Variants in CNTN5 observed in about 807,000 individuals in gnomAD.
CNTN5 encodes contactin 5.
CNTN5 carries 77 observed loss-of-function variants against 129.1 expected under a neutral mutation model. The ratio of observed to expected loss-of-function variants is 0.60; its 90% confidence interval spans 0.50 to 0.72. CNTN5 has a LOEUF of 0.72. Among genes scored for constraint, CNTN5 ranks in the 30% least tolerant of loss-of-function variants. The pLI is 0.00. For missense variants in CNTN5, 1,478 were observed against 1,328.8 expected, an observed-to-expected ratio of 1.11 and a Z score of -1.75; for synonymous variants, 509 against 465.6, an observed-to-expected ratio of 1.09 and a Z score of -1.20.
At chr11:100,290,118 A>T (rs1471354591) in intron 18 of CNTN5, among the ~76,000 whole-genome samples, 2 of 151,392 alleles carry the variant, frequency 1.3e-5, no homozygotes, top group African/African-American at 4.9e-5. Context: ...GATACAGACA[A>T]ATGGAAGAAC....
At chr11:99,061,193 C>T (rs7113547) in intron 1 of CNTN5, among the ~76,000 whole-genome samples, 62,420 of 151,878 alleles carry the variant, frequency 0.41, 13,096 homozygotes, top group Non-Finnish European at 0.43. Context: ...CTTTGATGGC[C>T]GGAGGGAGAG....
chr11:99,773,084 T>A (rs2407142), intron 3 of CNTN5, among the ~76,000 whole-genome samples: 23,746 of 151,968 alleles, frequency 0.16, 1,973 homozygotes, highest in Non-Finnish European at 0.17. Flanking sequence ...AAATGGAACA[T>A]TATCAGTATT....
At chr11:99,961,206 G>GGAAAAAA (rs1555167360) in intron 8 of CNTN5, among the ~76,000 whole-genome samples, 1 of 95,720 alleles carries the variant, frequency 1.0e-5, no homozygotes, top group African/African-American at 4.0e-5. Flanking sequence ...CTCCGTCTCA[G>GGAAAAAA]AAAAAAAAAA....
intron 8 of CNTN5, among the ~76,000 whole-genome samples, chr11:99,968,337 T>C (rs1015660774): frequency 2.0e-5 from 3 of 152,204 alleles, no homozygotes; most frequent in Non-Finnish European, 4.4e-5. Flanking sequence ...GATAATCTAC[T>C]ATTTGGTGGT....
At chr11:99,440,001 G>A (rs1435820367) in intron 2 of CNTN5, among the ~76,000 whole-genome samples, 1 of 152,078 alleles carries the variant, frequency 6.6e-6, no homozygotes, top group Non-Finnish European at 1.5e-5. Context: ...AATGGTAAAT[G>A]TTAAAGCATT....
At chr11:100,356,025 G>A in intron 24 of CNTN5, 92 bp from the exon 25 acceptor site, 2 of 769,678 alleles carry the variant, frequency 2.6e-6, no homozygotes, top group South Asian at 3.0e-5. Flanking sequence ...GAGCGATCTT[G>A]CACTCATTAG....
At chr11:99,308,401 G>C (rs61442648) in intron 1 of CNTN5, among the ~76,000 whole-genome samples, 1 of 152,124 alleles carries the variant, frequency 6.6e-6, no homozygotes, top group Non-Finnish European at 1.5e-5. Context: ...TATGGATGTA[G>C]TACCATATTG....
chr11:100,287,682 G>A lies in CNTN5; in HGVS notation c.2315-9943G>A, dbSNP rs531018011. 1.8e-3 allele frequency among the ~76,000 whole-genome samples: 276 copies of A among 152,096 alleles called. 1 individual carries two copies. Among genetic ancestry groups the A allele is most frequent in the African/African-American group, 6.5e-3 (269 of 41,506 alleles). ...CAAAATGTAAAGACCTTCGAGACTA[G>A]GAAGAAACTGCATCAACTAATGAGC... On this transcript the variant is annotated intron_variant, in intron 18 of 24. Transcript: ENST00000524871.
intron 2 of CNTN5, among the ~76,000 whole-genome samples, chr11:99,384,538 A>G (rs979496849): frequency 1.3e-5 from 2 of 152,202 alleles, no homozygotes; most frequent in Non-Finnish European, 2.9e-5. Flanking sequence ...TTGAGCAATG[A>G]TAAAACTGGT....
intron 1 of CNTN5, among the ~76,000 whole-genome samples, chr11:99,316,826 G>C (rs1463950996): frequency 2.0e-5 from 3 of 152,002 alleles, no homozygotes; most frequent in African/African-American, 7.2e-5. Flanking sequence ...AGTGATAACA[G>C]AAGTCCAGCT....
intron 3 of CNTN5, among the ~76,000 whole-genome samples, chr11:99,618,384 C>A (rs1414192151): frequency 1.3e-5 from 2 of 152,102 alleles, no homozygotes; most frequent in African/African-American, 4.8e-5. Context: ...TTTGATGTGC[C>A]AGTCATTTTA....
At chr11:100,295,704 T>C (rs1442315882) in intron 18 of CNTN5, among the ~76,000 whole-genome samples, 1 of 151,240 alleles carries the variant, frequency 6.6e-6, no homozygotes, top group Non-Finnish European at 1.5e-5. Context: ...TGTTTTAGGG[T>C]TGAACAAAGT....
intron 2 of CNTN5, among the ~76,000 whole-genome samples, chr11:99,547,406 G>A (rs1948335665): frequency 2.0e-5 from 3 of 152,148 alleles, no homozygotes; most frequent in Admixed American, 6.5e-5. Context: ...AGCCTGCAAT[G>A]CCAGACTAAA....
At chr11:99,498,292 T>C (rs1291536032) in intron 2 of CNTN5, among the ~76,000 whole-genome samples, 2 of 152,200 alleles carry the variant, frequency 1.3e-5, no homozygotes, top group African/African-American at 4.8e-5. Flanking sequence ...CAGTTCAGTG[T>C]AAAGTCAGTG....
intron 3 of CNTN5, among the ~76,000 whole-genome samples, chr11:99,584,323 C>G (rs1949719366): frequency 6.6e-6 from 1 of 152,154 alleles, no homozygotes; most frequent in South Asian, 2.1e-4. Flanking sequence ...CATACTTATT[C>G]ACACTGGCCC....
intron 7 of CNTN5, among the ~76,000 whole-genome samples, chr11:99,946,995 T>C (rs1178764533): frequency 1.3e-5 from 2 of 151,312 alleles, no homozygotes; most frequent in Non-Finnish European, 3.0e-5. Context: ...AAAATTAATA[T>C]ATAAGCATGA....
chr11:100,283,758 C>T (rs1260896552), intron 18 of CNTN5, among the ~76,000 whole-genome samples: 1 of 151,956 alleles, frequency 6.6e-6, no homozygotes, highest in Admixed American at 6.6e-5. Flanking sequence ...CCAGCCTGAC[C>T]AACATGGTGA....
chr11:99,516,116 A>G (rs1445619832), intron 2 of CNTN5, among the ~76,000 whole-genome samples: 1 of 126,052 alleles, frequency 7.9e-6, no homozygotes, highest in Non-Finnish European at 1.7e-5. Context: ...GTAACAGAAT[A>G]AAGAGAAGGT....
intron 1 of CNTN5, among the ~76,000 whole-genome samples, chr11:99,115,476 T>C (rs1858001495): frequency 6.6e-6 from 1 of 152,106 alleles, no homozygotes; most frequent in Admixed American, 6.6e-5. Context: ...GATAAAATAC[T>C]GGCCGGGTGC....
Sources: gnomAD v4.1 joint callset for allele counts (sites outside exome capture counted in the v4.1 genomes callset) on GRCh38, gnomAD v4.1.1 for gene constraint, MANE v1.5 for transcripts, NCBI Gene and HGNC (gene_info 2026-07-23, HGNC 2026-07-21) for gene names.